STAT5B: variants seen among roughly 807,000 people sequenced by gnomAD.
STAT5B encodes the protein signal transducer and activator of transcription 5B, also known as transcription factor STAT5B.
Under a neutral mutation model 107.8 loss-of-function variants are expected in STAT5B, and 21 were observed. The observed-to-expected ratio is 0.19, with a 90% CI of 0.14 to 0.28. STAT5B has a LOEUF of 0.28. STAT5B is among the 10% of genes least tolerant of loss of function. The pLI, the probability that STAT5B is intolerant of heterozygous loss-of-function variation, is 1.00. For missense variants in STAT5B, 565 were observed against 1,008.2 expected (o/e 0.56, Z 5.95); for synonymous variants, 325 against 401.7 (o/e 0.81, Z 2.28).
rs147581021 is a variant in STAT5B, at chr17:42,211,841, T to C, written c.1680+143A>G. ...ACACGTGACCTGGGTAACTCTCAAG[T>C]TGTCCATCTAGTCAGAAGCTTCTAT... On this transcript the variant is annotated intron_variant, in intron 13 of 18. Coordinates refer to ENST00000293328, the MANE Select transcript of STAT5B (RefSeq NM_012448.4). 4.6e-4 allele frequency: 585 copies of C among 1,276,352 alleles called. 7 individuals carry two copies. The African/African-American group carries it at 7.9e-3, about 17-fold the overall frequency. 79.1% of individuals were successfully genotyped at this position (1,276,352 alleles called of 1,614,324 possible).
intron 2 of STAT5B, among the ~76,000 whole-genome samples, chr17:42,230,038 C>T (rs1413570555): frequency 6.6e-6 from 1 of 152,098 alleles, no homozygotes; most frequent in African/African-American, 2.4e-5. Context: ...CAACTTCCTA[C>T]TCATGTTTTT....
chr17:42,201,805 G>A lies in STAT5B; in HGVS notation c.2297C>T (p.Ala766Val). Reference protein sequence around the residue: ...DFDLEDTMDVARRVEELLGRP... With the variant: ...DFDLEDTMDVVRRVEELLGRP... ...GCCCAGGAGCTCCTCCACACGCCGCGCTACGTCCATTGTGTCCTCCAGATC... is the reference window on the plus strand; with the variant it reads ...GCCCAGGAGCTCCTCCACACGCCGCACTACGTCCATTGTGTCCTCCAGATC... Residue 766 changes from alanine to valine, a missense_variant, in exon 19 of 19, where the codon GCG becomes GTG. This residue lies in a region of STAT5B where 76 missense variants were observed against 110.2 expected (regional missense o/e 0.69). Coordinates refer to ENST00000293328, the MANE Select transcript of STAT5B (RefSeq NM_012448.4). The A allele has an allele frequency of 6.2e-7, 1 of 1,614,058 alleles. No individual in the cohort carries two copies. The highest frequency in any genetic ancestry group is 8.5e-7 in the Non-Finnish European group (1 of 1,179,996).
At chr17:42,233,556 TC>T (rs2080334546) in intron 1 of STAT5B, among the ~76,000 whole-genome samples, 1 of 151,788 alleles carries the variant, frequency 6.6e-6, no homozygotes, top group Non-Finnish European at 1.5e-5. Context: ...CGTGACGCGA[TC>T]TCAGCTCACT....
upstream of STAT5B, among the ~76,000 whole-genome samples, chr17:42,279,607 G>A (rs1417198411): frequency 6.6e-6 from 1 of 152,142 alleles, no homozygotes; most frequent in African/African-American, 2.4e-5. Context: ...AACCAACGTG[G>A]AGAAACCTCG....
intron 4 of STAT5B, 144 bp from the exon 5 acceptor site, chr17:42,223,700 T>G (rs1365321783): frequency 4.3e-6 from 4 of 921,410 alleles, no homozygotes; most frequent in Non-Finnish European, 6.5e-6. Flanking sequence ...AACGTCATCA[T>G]GAGACACAGG....
At chr17:42,209,253 C>G (rs918039413) in intron 15 of STAT5B, among the ~76,000 whole-genome samples, 3 of 151,844 alleles carry the variant, frequency 2.0e-5, no homozygotes, top group Non-Finnish European at 4.4e-5. Flanking sequence ...CAGGGTCTTA[C>G]TATGTTGCCC....
chr17:42,262,933 T>G (rs1343529648), intron 1 of STAT5B, among the ~76,000 whole-genome samples: 2 of 69,188 alleles, frequency 2.9e-5, no homozygotes, highest in African/African-American at 1.2e-4. Flanking sequence ...TATATATATA[T>G]GTATATATAT....
At chr17:42,203,773 C>T (rs527813889) in intron 16 of STAT5B, among the ~76,000 whole-genome samples, 4 of 152,004 alleles carry the variant, frequency 2.6e-5, no homozygotes, top group East Asian at 3.9e-4. Flanking sequence ...ATTACAGGTG[C>T]GCACCACCAT....
intron 2 of STAT5B, among the ~76,000 whole-genome samples, chr17:42,230,700 G>A (rs2080310349): frequency 6.6e-6 from 1 of 150,830 alleles, no homozygotes; most frequent in African/African-American, 2.4e-5. Flanking sequence ...TCACTCTGTT[G>A]CCCAGGCTGG....
chr17:42,255,441 A>G (rs1321997546), intron 1 of STAT5B, among the ~76,000 whole-genome samples: 1 of 152,242 alleles, frequency 6.6e-6, no homozygotes, highest in Non-Finnish European at 1.5e-5. Context: ...CTCATTGCAC[A>G]TGCATCACTG....
At chr17:42,228,392 CCTT>C (rs1344874775) in intron 2 of STAT5B, among the ~76,000 whole-genome samples, 13 of 152,010 alleles carry the variant, frequency 8.6e-5, no homozygotes, top group East Asian at 1.9e-4. Flanking sequence ...TCCTTTCTTT[CCTT>C]CTTTCCTTCT....
At chr17:42,224,226 G>A (rs2080254615) in intron 4 of STAT5B, among the ~76,000 whole-genome samples, 1 of 152,140 alleles carries the variant, frequency 6.6e-6, no homozygotes, top group African/African-American at 2.4e-5. Context: ...ATATGAGCAT[G>A]CCTTTACTAA....
At chr17:42,227,716 C>T (rs971502612) in intron 2 of STAT5B, 31 bp from the exon 3 acceptor site, 3 of 1,610,330 alleles carry the variant, frequency 1.9e-6, no homozygotes, top group African/African-American at 1.3e-5. Flanking sequence ...AATCTGTATA[C>T]ATACATGCAC....
intron 12 of STAT5B, among the ~76,000 whole-genome samples, chr17:42,215,441 G>T (rs2080163204): frequency 6.6e-6 from 1 of 152,150 alleles, no homozygotes; most frequent in Non-Finnish European, 1.5e-5. Context: ...CTGTGCTGCA[G>T]ACACTTGCTG....
chr17:42,217,329 C>T (rs533424465), intron 10 of STAT5B, 47 bp from the exon 11 acceptor site: 54 of 1,614,050 alleles, frequency 3.3e-5, no homozygotes, highest in Non-Finnish European at 4.2e-5. Flanking sequence ...AAGTTGTTCC[C>T]CTCAAAGACC....
chr17:42,217,072 T>C (rs1441082654), intron 11 of STAT5B, 88 bp downstream of exon 11: 2 of 1,546,264 alleles, frequency 1.3e-6, no homozygotes, highest in East Asian at 2.4e-5. Flanking sequence ...AAGAAGATGC[T>C]ATGTGATAAA....
intron 3 of STAT5B, 22 bp downstream of exon 3, chr17:42,227,507 T>G: frequency 6.2e-7 from 1 of 1,612,570 alleles, no homozygotes; most frequent in Non-Finnish European, 8.5e-7. Flanking sequence ...TAATTAAGTG[T>G]GACCCCAGAG....
intron 1 of STAT5B, among the ~76,000 whole-genome samples, chr17:42,232,478 A>G (rs182721241): frequency 5.3e-5 from 8 of 152,114 alleles, no homozygotes; most frequent in Admixed American, 5.2e-4. Flanking sequence ...CGAACTCCTG[A>G]CCTTAAGTGA....
intron 1 of STAT5B, among the ~76,000 whole-genome samples, chr17:42,267,680 C>T (rs1341230223): frequency 2.0e-5 from 3 of 152,032 alleles, no homozygotes; most frequent in East Asian, 1.9e-4. Flanking sequence ...AACAGTTGGC[C>T]GGGCACGGCG....
Sources: allele counts gnomAD v4.1 joint callset (sites outside exome capture counted in the v4.1 genomes callset), GRCh38; gene constraint gnomAD v4.1.1; regional missense constraint gnomAD v4.1.1; transcripts MANE v1.5; gene names NCBI Gene and HGNC (gene_info 2026-07-23, HGNC 2026-07-21).